Variants in RPL21 observed in about 807,000 individuals in gnomAD.
RPL21 encodes ribosomal protein L21, also known as large ribosomal subunit protein eL21.
A neutral mutation model predicts 21.2 loss-of-function variants in RPL21; 1 was observed. That is an observed-to-expected ratio of 0.05 (90% CI 0.02 to 0.22). The LOEUF (loss-of-function observed/expected upper bound fraction) is 0.22, where lower values mean the gene tolerates loss of function less well. Among genes scored for constraint, RPL21 ranks in the 10% least tolerant of loss-of-function variants. The pLI is 1.00. For missense variants in RPL21, 113 were observed against 199.4 expected, an observed-to-expected ratio of 0.57 and a Z score of 2.61; for synonymous variants, 52 against 62.9, an observed-to-expected ratio of 0.83 and a Z score of 0.82.
intron 1 of RPL21, among the ~76,000 whole-genome samples, chr13:27,253,401 A>G (rs932516531): frequency 2.0e-5 from 3 of 152,226 alleles, no homozygotes; most frequent in Non-Finnish European, 4.4e-5. Context: ...GTTCTCCACT[A>G]AATTATCTTC....
intron 4 of RPL21, 160 bp downstream of exon 4, chr13:27,255,514 A>G (rs1219149059): frequency 1.3e-6 from 1 of 761,858 alleles, no homozygotes; most frequent in Non-Finnish European, 2.4e-6. Flanking sequence ...GTATCCTGTC[A>G]GAGGAAACAA....
chr13:27,252,738 G>T (rs1001201636), intron 1 of RPL21, among the ~76,000 whole-genome samples: 1 of 152,222 alleles, frequency 6.6e-6, no homozygotes, highest in Admixed American at 6.5e-5. Flanking sequence ...ACAATGGTTT[G>T]ACTTTGGTGA....
At chr13:27,254,715 G>A (rs1287886884) in intron 3 of RPL21, among the ~76,000 whole-genome samples, 1 of 152,014 alleles carries the variant, frequency 6.6e-6, no homozygotes, top group African/African-American at 2.4e-5. Flanking sequence ...TAGAGAAGGG[G>A]TTTCTCCATG....
intron 1 of RPL21, 114 bp from the exon 2 acceptor site, chr13:27,253,651 C>T (rs1257550334): frequency 7.1e-6 from 5 of 704,302 alleles, no homozygotes; most frequent in African/African-American, 7.1e-5. Flanking sequence ...GGTGATCCAG[C>T]TTTCAGTTTG....
At chr13:27,252,287 T>G (rs1229967854) in intron 1 of RPL21, among the ~76,000 whole-genome samples, 1 of 152,158 alleles carries the variant, frequency 6.6e-6, no homozygotes. Flanking sequence ...GAGATACTGT[T>G]TTGCGAATTC....
At chr13:27,251,665 T>C (rs749772585) in intron 1 of RPL21, 80 bp downstream of exon 1, 7 of 152,314 alleles carry the variant, frequency 4.6e-5, no homozygotes, top group Non-Finnish European at 7.3e-5. Context: ...AGGTCGTTCA[T>C]TGGGACCGTG....
chr13:27,253,961 C>T (rs1881768028), intron 2 of RPL21, 118 bp downstream of exon 2: 2 of 747,872 alleles, frequency 2.7e-6, no homozygotes, highest in Admixed American at 2.0e-5. Context: ...AGCGTCTACC[C>T]AGCTTATTTC....
At chr13:27,252,079 TC>T (rs1881676967) in intron 1 of RPL21, among the ~76,000 whole-genome samples, 1 of 152,138 alleles carries the variant, frequency 6.6e-6, no homozygotes, top group Non-Finnish European at 1.5e-5. Context: ...GCTTTAATCT[TC>T]TGTGAAGCCT....
chr13:27,252,874 C>G (rs561410508), intron 1 of RPL21, among the ~76,000 whole-genome samples: 1 of 152,328 alleles, frequency 6.6e-6, no homozygotes, highest in Admixed American at 6.5e-5. Flanking sequence ...CACGTCAAGC[C>G]TGACTGCTGT....
intron 1 of RPL21, 29 bp from the exon 2 acceptor site, chr13:27,253,735 GT>G (rs756793033): frequency 7.9e-7 from 1 of 1,265,322 alleles, no homozygotes; most frequent in Non-Finnish European, 1.2e-6. Flanking sequence ...GTTTTCAGTC[GT>G]ATTTGACTGT....
At chr13:27,256,376 T>C (rs1201675703) in intron 5 of RPL21, 42 bp downstream of exon 5, 2 of 1,595,190 alleles carry the variant, frequency 1.3e-6, no homozygotes, top group East Asian at 2.2e-5. Context: ...GAGAGCACTT[T>C]AAGGTTGAGA....
Position 27,256,437 on chromosome 13 carries a change from C to G in RPL21, c.395C>G (p.Pro132Arg), listed in dbSNP as rs1593263067. 6.3e-7 allele frequency: 1 copy of G among 1,583,262 alleles called. No individual in the cohort carries two copies. The highest frequency in any genetic ancestry group is 1.3e-5 in the African/African-American group (1 of 74,186). ...TTCCCTTTTTTTTTCCTTTAATAGC[C>G]TGCTCCACCCAGAGAAGCACACTTT... The part of the protein sequence containing the change: ...KGTWVQLKRQ[P>R]APPREAHFVR... Residue 132 changes from proline to arginine, a missense_variant and splice_region_variant, in exon 6 of 6, where the codon CCT becomes CGT. Coordinates refer to ENST00000311549, the MANE Select transcript of RPL21 (RefSeq NM_000982.4).
At chr13:27,255,123 G>A (rs1287572160) in intron 3 of RPL21, 119 bp from the exon 4 acceptor site, 3 of 776,828 alleles carry the variant, frequency 3.9e-6, no homozygotes, top group Non-Finnish European at 7.2e-6. Flanking sequence ...ACATTTCACC[G>A]GCTCTGAAAG....
chr13:27,255,398 A>G lies in RPL21; in HGVS notation c.242+44A>G, dbSNP rs115279530. 2.7e-3 allele frequency: 2,186 copies of G among 823,372 alleles called. 30 individuals carry two copies. In the African/African-American group the frequency reaches 0.031, roughly 12 times the overall value. 51.0% of individuals were successfully genotyped at this position (823,372 alleles called of 1,614,324 possible). ...CTTTGTGGCTAACCAGTATTCCCTC[A>G]TATACCCCCTTTTCACTTTGCCAGT... On this transcript the variant is annotated intron_variant, in intron 4 of 5. Coordinates refer to ENST00000311549, the MANE Select transcript of RPL21 (RefSeq NM_000982.4).
At chr13:27,254,664 C>T (rs1881812716) in intron 3 of RPL21, among the ~76,000 whole-genome samples, 1 of 150,264 alleles carries the variant, frequency 6.7e-6, no homozygotes, top group South Asian at 2.1e-4. Flanking sequence ...GCTGGGATTA[C>T]AGGCATGCAC....
In RPL21 at chr13:27,253,829, C is replaced by T; in HGVS notation, c.53C>T (p.Pro18Leu). Residue 18 changes from proline (P) to leucine (L), a missense_variant, in exon 2 of 6, where the codon CCT becomes CTT. Transcript: ENST00000311549. ...RRGTRYMFSR[P>L]FRKHGVVPLA... ...GGCACCCGATATATGTTCTCTAGGCCTTTTAGAAAACATGGTAAGTAGGTT... is the reference window on the plus strand; with the variant it reads ...GGCACCCGATATATGTTCTCTAGGCTTTTTAGAAAACATGGTAAGTAGGTT... 1 of 1,595,110 alleles carries T rather than the reference C, an allele frequency of 6.3e-7. No homozygotes were observed. The highest frequency in any genetic ancestry group is 1.3e-5 in the African/African-American group (1 of 74,616).
At chr13:27,254,903 T>G in intron 3 of RPL21, 1 of 406,904 alleles carries the variant, frequency 2.5e-6, no homozygotes, top group Non-Finnish European at 4.7e-6. Flanking sequence ...CTAGTGGAAA[T>G]TGGGTGGTAG....
intron 3 of RPL21, 60 bp downstream of exon 3, chr13:27,254,341 T>C (rs2137909585): frequency 5.1e-6 from 5 of 973,558 alleles, no homozygotes; most frequent in Middle Eastern, 2.2e-4. Context: ...TTTAATCTAG[T>C]GTAGGAATTC....
intron 3 of RPL21, 122 bp downstream of exon 3, chr13:27,254,403 T>TTTTTC (rs1881795585): frequency 4.6e-6 from 3 of 657,042 alleles, no homozygotes; most frequent in South Asian, 3.4e-5. Flanking sequence ...TTTTTTTTTT[T>TTTTTC]TTTTTTTTGG....
Sources: allele counts gnomAD v4.1 joint callset (sites outside exome capture counted in the v4.1 genomes callset), GRCh38; gene constraint gnomAD v4.1.1; transcripts MANE v1.5; gene names NCBI Gene and HGNC (gene_info 2026-07-23, HGNC 2026-07-21).